STPG2: variants seen among roughly 807,000 people sequenced by gnomAD.
The protein encoded by STPG2 is sperm tail PG-rich repeat containing 2, also known as sperm-tail PG-rich repeat-containing protein 2.
STPG2 carries 56 observed loss-of-function variants against 54.2 expected under a neutral mutation model. That is an observed-to-expected ratio of 1.03 (90% confidence interval 0.83 to 1.29). The LOEUF is 1.29. Ranked by LOEUF, STPG2 falls within the 50% of genes most tolerant of loss-of-function variation. The probability of loss-of-function intolerance (pLI) is 0.00; values close to 1 mark genes in which losing one functional copy is unlikely to be tolerated. For missense variants in STPG2, 596 were observed against 544.9 expected, an observed-to-expected ratio of 1.09 and a Z score of -0.93; for synonymous variants, 200 against 181.8, an observed-to-expected ratio of 1.10 and a Z score of -0.81.
chr4:97,839,972 T>C (rs750015566), intron 9 of STPG2, among the ~76,000 whole-genome samples: 2 of 151,690 alleles, frequency 1.3e-5, no homozygotes, highest in Non-Finnish European at 3.0e-5. Context: ...TGATTGTTCC[T>C]GTTCTCTATC....
At chr4:97,716,400 T>A (rs977570878) in intron 9 of STPG2, among the ~76,000 whole-genome samples, 1 of 152,114 alleles carries the variant, frequency 6.6e-6, no homozygotes, top group Non-Finnish European at 1.5e-5. Flanking sequence ...CATGCACACG[T>A]ATGTTTATTG....
rs763963697 is a variant in STPG2, at chr4:97,620,014, C to T, written c.1321-60897G>A. Among the ~76,000 whole-genome samples the T allele has an allele frequency of 9.0e-4, 136 of 151,938 alleles. 1 individual carries two copies. The highest frequency in any genetic ancestry group is 1.6e-3 in the Non-Finnish European group (112 of 67,924). On this transcript the variant is annotated intron_variant, in intron 10 of 10. Coordinates refer to ENST00000295268, the MANE Select transcript of STPG2 (RefSeq NM_174952.3). ...AATTTTTTGTATTTTTTAGTAGAGACGGGGTTTCACCGTGTAAGCCAGGAT... is the reference window on the plus strand; with the variant it reads ...AATTTTTTGTATTTTTTAGTAGAGATGGGGTTTCACCGTGTAAGCCAGGAT...
chr4:97,861,983 G>C (rs2149141981), intron 8 of STPG2, among the ~76,000 whole-genome samples: 2 of 152,032 alleles, frequency 1.3e-5, no homozygotes, highest in South Asian at 4.2e-4. Context: ...AAATTGTAAA[G>C]ACCATCGAGG....
At chr4:98,139,951 G>A (rs1157746611) in intron 1 of STPG2, among the ~76,000 whole-genome samples, 3 of 152,248 alleles carry the variant, frequency 2.0e-5, no homozygotes, top group Admixed American at 1.3e-4. Flanking sequence ...AGTAAAGATC[G>A]TGGTTATTGC....
At chr4:97,836,869 C>T (rs1728651381) in intron 9 of STPG2, among the ~76,000 whole-genome samples, 1 of 146,432 alleles carries the variant, frequency 6.8e-6, no homozygotes, top group Non-Finnish European at 1.5e-5. Flanking sequence ...TAATTAATAA[C>T]AATAAATTAA....
chr4:98,000,905 TC>T (rs1735392684), intron 5 of STPG2, among the ~76,000 whole-genome samples: 1 of 152,128 alleles, frequency 6.6e-6, no homozygotes, highest in South Asian at 2.1e-4. Context: ...AAGTAGCTTT[TC>T]CATATAAATT....
At chr4:97,669,786 G>A in intron 10 of STPG2, among the ~76,000 whole-genome samples, 1 of 143,294 alleles carries the variant, frequency 7.0e-6, no homozygotes, top group Admixed American at 7.1e-5. Flanking sequence ...CTGGGCAACA[G>A]AGCGAGACTC....
At chr4:97,495,904 T>G (rs2148830128) in intron 4 of STPG2, among the ~76,000 whole-genome samples, 1 of 151,752 alleles carries the variant, frequency 6.6e-6, no homozygotes, top group South Asian at 2.1e-4. Context: ...ATTATCCACA[T>G]GAATCTAAAT....
At chr4:97,777,464 A>G (rs1726416457) in intron 9 of STPG2, among the ~76,000 whole-genome samples, 1 of 152,248 alleles carries the variant, frequency 6.6e-6, no homozygotes, top group Non-Finnish European at 1.5e-5. Flanking sequence ...GGAATCTCTC[A>G]TACAGACTCT....
At chr4:97,967,590 T>G (rs896880314) in intron 7 of STPG2, among the ~76,000 whole-genome samples, 1 of 152,140 alleles carries the variant, frequency 6.6e-6, no homozygotes, top group Non-Finnish European at 1.5e-5. Context: ...TATTCCAAAA[T>G]TGACCACATA....
intron 10 of STPG2, among the ~76,000 whole-genome samples, chr4:97,702,715 G>A (rs1016929206): frequency 6.6e-6 from 1 of 152,128 alleles, no homozygotes; most frequent in Non-Finnish European, 1.5e-5. Flanking sequence ...CTTCACCAGA[G>A]TTTACAAGCT....
chr4:97,912,572 C>T (rs1560586007), intron 8 of STPG2, among the ~76,000 whole-genome samples: 1 of 152,080 alleles, frequency 6.6e-6, no homozygotes, highest in South Asian at 2.1e-4. Flanking sequence ...AATCTCAGAG[C>T]TTGAAGATGA....
intron 9 of STPG2, among the ~76,000 whole-genome samples, chr4:97,740,201 A>G (rs1284261995): frequency 6.6e-6 from 1 of 152,200 alleles, no homozygotes; most frequent in Non-Finnish European, 1.5e-5. Flanking sequence ...TTAGGTATTG[A>G]TGGGACGTAT....
intron 9 of STPG2, among the ~76,000 whole-genome samples, chr4:97,835,560 G>T (rs1264305417): frequency 6.6e-6 from 1 of 152,082 alleles, no homozygotes; most frequent in Non-Finnish European, 1.5e-5. Context: ...AAGGAAATTA[G>T]TGTTATTTTC....
intron 9 of STPG2, among the ~76,000 whole-genome samples, chr4:97,796,953 A>G (rs1186781682): frequency 6.6e-6 from 1 of 152,132 alleles, no homozygotes; most frequent in African/African-American, 2.4e-5. Context: ...TTCTCTTGGA[A>G]GCAATTGTGA....
intron 8 of STPG2, among the ~76,000 whole-genome samples, chr4:97,898,621 G>C (rs1446796134): frequency 2.0e-5 from 3 of 151,510 alleles, no homozygotes; most frequent in Non-Finnish European, 4.4e-5. Flanking sequence ...TCTAGCCCTT[G>C]TCTAACATAA....
At chr4:97,911,990 G>T (rs968142960) in intron 8 of STPG2, among the ~76,000 whole-genome samples, 14 of 152,146 alleles carry the variant, frequency 9.2e-5, no homozygotes, top group Admixed American at 2.6e-4. Context: ...GGAGCAGGCT[G>T]CCATCTTTAC....
At chr4:97,807,344 A>T (rs1727600234) in intron 9 of STPG2, among the ~76,000 whole-genome samples, 1 of 151,904 alleles carries the variant, frequency 6.6e-6, no homozygotes, top group Non-Finnish European at 1.5e-5. Flanking sequence ...AAGAAGAAAG[A>T]ATATGCTTAT....
rs1345736285 is a variant in STPG2 at position 97,786,822 on chromosome 4, T to C, written c.1204+53951A>G. ...TCACCTGTTGGTCACTTAGTAACCATCTCAGTTATCAAATTGACTATGGCA... is the reference window on the plus strand; with the variant it reads ...TCACCTGTTGGTCACTTAGTAACCACCTCAGTTATCAAATTGACTATGGCA... On this transcript the variant is annotated intron_variant, in intron 9 of 10. Coordinates refer to ENST00000295268, the MANE Select transcript of STPG2 (RefSeq NM_174952.3). 3.3e-5 allele frequency among the ~76,000 whole-genome samples: 5 copies of C among 152,118 alleles called. No individual in the cohort carries two copies. In the East Asian group the frequency reaches 9.6e-4, roughly 29 times the overall value.
Sources: gnomAD v4.1 joint callset for allele counts (sites outside exome capture counted in the v4.1 genomes callset) on GRCh38, gnomAD v4.1.1 for gene constraint, MANE v1.5 for transcripts, NCBI Gene and HGNC (gene_info 2026-07-23, HGNC 2026-07-21) for gene names.